Variants in PLA2G4A observed in about 807,000 individuals in gnomAD.
The protein encoded by PLA2G4A is cytosolic phospholipase A2.
A neutral mutation model predicts 81.9 loss-of-function variants in PLA2G4A; 40 were observed. The observed-to-expected ratio is 0.49, with a 90% CI of 0.38 to 0.64. The LOEUF is 0.64. Among genes scored for constraint, PLA2G4A ranks in the 30% least tolerant of loss-of-function variants. PLA2G4A has a pLI of 0.00. For synonymous variants in PLA2G4A, 302 were observed against 296.9 expected, an observed-to-expected ratio of 1.02 and a Z score of -0.18; for missense variants, 715 against 905.1, an observed-to-expected ratio of 0.79 and a Z score of 2.69.
intron 1 of PLA2G4A, among the ~76,000 whole-genome samples, chr1:186,837,736 C>CAAAAAAAAAAAAAAAAAAAAA (rs750655561): frequency 1.8e-4 from 10 of 55,168 alleles, no homozygotes; most frequent in East Asian, 6.5e-4. Flanking sequence ...GACTCCGTCT[C>CAAAAAAAAAAAAAAAAAAAAA]AAAAAAAAAA....
chr1:186,931,521 T>A (rs940095388), intron 7 of PLA2G4A, among the ~76,000 whole-genome samples: 1 of 9,736 alleles, frequency 1.0e-4, no homozygotes, highest in Non-Finnish European at 3.2e-4. Flanking sequence ...TGTTTGCTAT[T>A]ATTATTATTA....
chr1:186,834,484 T>C (rs940787305), intron 1 of PLA2G4A, among the ~76,000 whole-genome samples: 1 of 152,096 alleles, frequency 6.6e-6, no homozygotes, highest in Non-Finnish European at 1.5e-5. Flanking sequence ...TTCTTTGAGG[T>C]TGTCACACTC....
intron 3 of PLA2G4A, among the ~76,000 whole-genome samples, chr1:186,876,469 G>A (rs918310252): frequency 5.9e-5 from 9 of 152,076 alleles, no homozygotes; most frequent in African/African-American, 2.2e-4. Flanking sequence ...CCTAGAGAAG[G>A]TGGGGGAATT....
intron 5 of PLA2G4A, among the ~76,000 whole-genome samples, chr1:186,898,040 A>T (rs1042795367): frequency 6.6e-6 from 1 of 152,108 alleles, no homozygotes; most frequent in Non-Finnish European, 1.5e-5. Context: ...TTTAGCTTGC[A>T]CTTATAAGTA....
intron 3 of PLA2G4A, among the ~76,000 whole-genome samples, chr1:186,892,598 T>C (rs1654184833): frequency 1.3e-5 from 2 of 152,188 alleles, no homozygotes. Flanking sequence ...AAAAATGAGT[T>C]CACAGTAGGT....
At chr1:186,981,632 T>C (rs373728506) in intron 17 of PLA2G4A, among the ~76,000 whole-genome samples, 2 of 152,220 alleles carry the variant, frequency 1.3e-5, no homozygotes, top group African/African-American at 4.8e-5. Context: ...ATTAAGTACA[T>C]TGCATTATCG....
At chr1:186,926,149 C>T (rs1655539861) in intron 7 of PLA2G4A, among the ~76,000 whole-genome samples, 1 of 152,138 alleles carries the variant, frequency 6.6e-6, no homozygotes, top group Non-Finnish European at 1.5e-5. Context: ...TTCTTAGGTT[C>T]TTCTTTTCAA....
At chr1:186,951,070 G>T (rs962204019) in intron 13 of PLA2G4A, among the ~76,000 whole-genome samples, 1 of 152,064 alleles carries the variant, frequency 6.6e-6, no homozygotes, top group Non-Finnish European at 1.5e-5. Context: ...TTTTTAGATG[G>T]CTTTAAAAAT....
chr1:186,887,515 C>A (rs1304388219), intron 3 of PLA2G4A, among the ~76,000 whole-genome samples: 1 of 152,164 alleles, frequency 6.6e-6, no homozygotes, highest in Non-Finnish European at 1.5e-5. Context: ...GTATTCCACA[C>A]CCCCGACATT....
chr1:186,910,088 A>G (rs1654888589), intron 6 of PLA2G4A, among the ~76,000 whole-genome samples: 1 of 152,144 alleles, frequency 6.6e-6, no homozygotes, highest in African/African-American at 2.4e-5. Context: ...CTTTTTTGTT[A>G]TTAATTCTGC....
rs1571429893 is a variant in PLA2G4A at position 186,946,618 on chromosome 1, G to A, written c.1034-19G>A. 13 of 1,591,220 alleles carry A rather than the reference G, an allele frequency of 8.2e-6. No homozygotes were observed. Among genetic ancestry groups the A allele is most frequent in the Non-Finnish European group, 1.0e-5 (12 of 1,159,976 alleles). ...CATTTTCCTATTAATGGATTGCCTT[G>A]TTTTTAAAATACTTTCAGATTGGGT... is the stretch of plus-strand genomic sequence containing the variant. On this transcript the variant is annotated intron_variant, in intron 10 of 17. Transcript: ENST00000367466.
intron 1 of PLA2G4A, among the ~76,000 whole-genome samples, chr1:186,837,259 T>C (rs1651810159): frequency 1.3e-5 from 2 of 152,012 alleles, no homozygotes; most frequent in South Asian, 4.2e-4. Flanking sequence ...AATTTACAAA[T>C]GGGATGGGAG....
intron 10 of PLA2G4A, among the ~76,000 whole-genome samples, chr1:186,944,441 TGATAG>T (rs1217307308): frequency 1.3e-5 from 2 of 152,122 alleles, no homozygotes; most frequent in Admixed American, 1.3e-4. Flanking sequence ...TCAGTTCCCA[TGATAG>T]GGTTGTGAAA....
chr1:186,932,776 C>T lies in PLA2G4A; in HGVS notation c.572C>T (p.Ala191Val). ...LHSARDVPVV[A>V]ILGSGGGFRA... ...GCATCGTTTCAGGTGCCTGTGGTAG[C>T]CATATTGGGTTCAGGTGGGGGTTTC... The change falls in exon 8 of 18, where the codon GCC becomes GTC. Residue 191 changes from alanine to valine, a missense_variant. Transcript: ENST00000367466. The T allele has an allele frequency of 6.2e-7, 1 of 1,613,544 alleles. No individual in the cohort carries two copies. Among genetic ancestry groups the T allele is most frequent in the Non-Finnish European group, 8.5e-7 (1 of 1,179,618 alleles).
chr1:186,937,253 A>AAGAGAG (rs58594192), intron 8 of PLA2G4A, among the ~76,000 whole-genome samples: 2 of 149,220 alleles, frequency 1.3e-5, no homozygotes, highest in East Asian at 2.0e-4. Flanking sequence ...GAGACGGGAA[A>AAGAGAG]AGAGAGAGAG....
intron 3 of PLA2G4A, among the ~76,000 whole-genome samples, chr1:186,880,853 T>G (rs927402088): frequency 1.3e-5 from 2 of 151,976 alleles, no homozygotes; most frequent in African/African-American, 2.4e-5. Flanking sequence ...ATATGTTTTT[T>G]CCCTCCAAGA....
intron 17 of PLA2G4A, among the ~76,000 whole-genome samples, chr1:186,982,897 T>A (rs999515632): frequency 6.6e-6 from 1 of 151,888 alleles, no homozygotes; most frequent in Non-Finnish European, 1.5e-5. Flanking sequence ...GCTAACACGG[T>A]GAAACCCCGT....
intron 1 of PLA2G4A, among the ~76,000 whole-genome samples, chr1:186,838,338 G>A (rs1430457290): frequency 6.6e-6 from 1 of 151,960 alleles, no homozygotes; most frequent in Non-Finnish European, 1.5e-5. Context: ...TCCATAAAAT[G>A]GATAACCAGT....
At chr1:186,910,772 C>T (rs1654910267) in intron 6 of PLA2G4A, among the ~76,000 whole-genome samples, 1 of 152,106 alleles carries the variant, frequency 6.6e-6, no homozygotes, top group Non-Finnish European at 1.5e-5. Flanking sequence ...ATCCATTAGA[C>T]AAGGCAATTA....
Sources: allele counts gnomAD v4.1 joint callset (sites outside exome capture counted in the v4.1 genomes callset), GRCh38; gene constraint gnomAD v4.1.1; transcripts MANE v1.5; gene names NCBI Gene and HGNC (gene_info 2026-07-23, HGNC 2026-07-21).